The following PHF8 variants were observed in gnomAD, a reference collection of about 807,000 sequenced individuals.
The protein encoded by PHF8 is PHD finger protein 8, also known as histone lysine demethylase PHF8.
Under a neutral mutation model 74.4 loss-of-function variants are expected in PHF8, and 9 were observed. That is an observed-to-expected ratio of 0.12 (90% confidence interval 0.07 to 0.21). PHF8 has a LOEUF of 0.21. Ranked by LOEUF, PHF8 falls within the 10% of genes least tolerant of loss-of-function variation. The pLI is 1.00. For synonymous variants in PHF8, 311 were observed against 316.6 expected, an observed-to-expected ratio of 0.98 and a Z score of 0.19; for missense variants, 478 against 816.6, an observed-to-expected ratio of 0.59 and a Z score of 5.05.
intron 18 of PHF8, among the ~76,000 whole-genome samples, chrX:53,982,956 G>A (rs1193529164): frequency 8.9e-6 from 1 of 112,000 alleles, no homozygotes; most frequent in East Asian, 2.8e-4. Flanking sequence ...CACTTTGGGA[G>A]ACCAAGGCAG....
Position 53,938,178 on chromosome X carries a change from C to T in PHF8, c.*980G>A. 1 of 1,099,844 alleles carries T rather than the reference C, an allele frequency of 9.1e-7. No homozygotes were observed. Among genetic ancestry groups the T allele is most frequent in the Non-Finnish European group, 1.2e-6 (1 of 841,647 alleles). 90.6% of individuals were successfully genotyped at this position (1,099,844 alleles called of 1,213,427 possible). On this transcript the variant is annotated 3_prime_UTR_variant, in exon 22 of 22. Coordinates refer to ENST00000338154, the MANE Select transcript of PHF8 (RefSeq NM_015107.3). The stretch of plus-strand genomic sequence containing the variant: ...GATGGAGGACCCAGGTGTGGGCCGT[C>T]CCGCCACACCCTCCATAATGTCCAG...
chrX:54,026,157 C>A (rs2066262973), intron 2 of PHF8, among the ~76,000 whole-genome samples: 1 of 110,622 alleles, frequency 9.0e-6, no homozygotes, highest in South Asian at 3.8e-4. Flanking sequence ...AGTTCAAGAC[C>A]AGCCTGGTCA....
At chrX:54,018,745 C>T (rs922130634) in intron 4 of PHF8, among the ~76,000 whole-genome samples, 2 of 110,294 alleles carry the variant, frequency 1.8e-5, no homozygotes, top group East Asian at 2.9e-4. Context: ...CTCAGCCTCC[C>T]GACTAGCTGG....
At chrX:53,973,387 G>A (rs782793615) in intron 18 of PHF8, among the ~76,000 whole-genome samples, 1 of 111,531 alleles carries the variant, frequency 9.0e-6, no homozygotes, top group Non-Finnish European at 1.9e-5. Context: ...CACGCTACCC[G>A]ACTTCATACC....
intron 8 of PHF8, among the ~76,000 whole-genome samples, chrX:54,008,339 C>T (rs782629979): frequency 4.1e-5 from 4 of 96,561 alleles, no homozygotes; most frequent in South Asian, 5.1e-4. Context: ...TGCACCACTG[C>T]ACTCCAGCCT....
Position 53,938,894 on chromosome X carries a change from T to C in PHF8, c.*264A>G. On this transcript the variant is annotated 3_prime_UTR_variant, in exon 22 of 22. Transcript: ENST00000338154. ...AGGTGACGGGAGTGGTTTGGACGAG[T>C]AGAAAAGAGGGTTCTAGTCAGCTGG... 1.1e-6 allele frequency: 1 copy of C among 927,405 alleles called. No homozygotes were observed. 76.4% of individuals were successfully genotyped at this position (927,405 alleles called of 1,213,427 possible). A position where few individuals can be genotyped will look rare whatever the true frequency, so the allele number is the denominator to read the frequency against.
At chrX:53,977,648 C>CT (rs1203709777) in intron 18 of PHF8, among the ~76,000 whole-genome samples, 103 of 100,886 alleles carry the variant, frequency 1.0e-3, no homozygotes, top group Admixed American at 1.3e-3. Flanking sequence ...AGTTCAGTAG[C>CT]TTTTTTTTTT....
At chrX:53,967,396 C>T (rs868949557) in intron 18 of PHF8, among the ~76,000 whole-genome samples, 3 of 105,040 alleles carry the variant, frequency 2.9e-5, no homozygotes, top group African/African-American at 7.2e-5. Flanking sequence ...GCCAGCCGCC[C>T]CGTCCGGGAG....
intron 11 of PHF8, chrX:53,999,414 T>A (rs1313654842): frequency 7.3e-6 from 1 of 137,641 alleles, no homozygotes; most frequent in African/African-American, 3.2e-5. Context: ...AACAGTAGGC[T>A]GTTAGCAGTT....
intron 18 of PHF8, among the ~76,000 whole-genome samples, chrX:53,979,118 C>T (rs920247429): frequency 4.5e-5 from 5 of 111,514 alleles, no homozygotes; most frequent in Non-Finnish European, 7.5e-5. Context: ...CAGTGGGTCA[C>T]GCCTATAATC....
chrX:53,947,514 C>A (rs1446502679), intron 19 of PHF8, among the ~76,000 whole-genome samples: 1 of 111,921 alleles, frequency 8.9e-6, no homozygotes, highest in Non-Finnish European at 1.9e-5. Flanking sequence ...AGCAAATTTA[C>A]CAAAAGTTGA....
At chrX:53,960,022 G>T (rs1211147441) in intron 19 of PHF8, among the ~76,000 whole-genome samples, 1 of 110,455 alleles carries the variant, frequency 9.1e-6, no homozygotes, top group Non-Finnish European at 1.9e-5. Flanking sequence ...GGGATTGCAG[G>T]TGGGGAAAGT....
intron 19 of PHF8, among the ~76,000 whole-genome samples, chrX:53,946,362 C>G (rs1360363932): frequency 8.9e-6 from 1 of 112,596 alleles, no homozygotes; most frequent in Non-Finnish European, 1.9e-5. Flanking sequence ...AAATTCACAT[C>G]ACCTGAGAAG....
chrX:54,022,897 CT>C (rs2066202166), intron 2 of PHF8, 54 bp from the exon 3 acceptor site: 1 of 723,603 alleles, frequency 1.4e-6, no homozygotes, highest in Admixed American at 2.4e-5. Context: ...TTTATGAGGT[CT>C]AGAACAGTGC....
At chrX:54,013,399 T>C (rs1464972948) in intron 7 of PHF8, among the ~76,000 whole-genome samples, 1 of 111,977 alleles carries the variant, frequency 8.9e-6, no homozygotes, top group African/African-American at 3.2e-5. Context: ...GGATGAATTT[T>C]ATAGTATATA....
chrX:54,044,781 C>T, upstream of PHF8: 1 of 719,270 alleles, frequency 1.4e-6, no homozygotes, highest in African/African-American at 2.1e-5. Context: ...CCTTCTCCTC[C>T]TATGAGAGGA....
chrX:54,038,999 T>C (rs782512854), intron 2 of PHF8, among the ~76,000 whole-genome samples: 1 of 109,411 alleles, frequency 9.1e-6, no homozygotes, highest in African/African-American at 3.3e-5. Context: ...CCGGGTGTGG[T>C]GGCGCGCACC....
chrX:53,967,594 A>G (rs2065229239), intron 18 of PHF8, among the ~76,000 whole-genome samples: 1 of 113,037 alleles, frequency 8.8e-6, no homozygotes, highest in Admixed American at 9.2e-5. Context: ...CTGCCCGGCC[A>G]CCACCCCATC....
At chrX:53,991,232 TTATTTAAAGAAAAGTAAATAAA>T (rs1682809281) in intron 14 of PHF8, among the ~76,000 whole-genome samples, 2 of 112,440 alleles carry the variant, frequency 1.8e-5, no homozygotes, top group African/African-American at 3.2e-5. Flanking sequence ...TCTTTTAAAA[TTATTTAAAGAAAAGTAAATAAA>T]TATTTAAAGA....
Sources: gnomAD v4.1 joint callset for allele counts (sites outside exome capture counted in the v4.1 genomes callset) on GRCh38, gnomAD v4.1.1 for gene constraint, MANE v1.5 for transcripts, NCBI Gene and HGNC (gene_info 2026-07-23, HGNC 2026-07-21) for gene names.